DEXI: variants seen among roughly 807,000 people sequenced by gnomAD.
DEXI encodes dexamethasone-induced protein.
Under a neutral mutation model 2.5 loss-of-function variants are expected in DEXI, and 2 were observed. The ratio of observed to expected loss-of-function variants is 0.81; its 90% CI spans 0.33 to 2.55. The LOEUF (loss-of-function observed/expected upper bound fraction) is 2.55, where lower values mean the gene tolerates loss of function less well. DEXI is among the 30% of genes most tolerant of loss of function. DEXI has a pLI of 0.11. For synonymous variants in DEXI, 71 were observed against 68.7 expected, an observed-to-expected ratio of 1.03 and a Z score of -0.17; for missense variants, 108 against 130.3, an observed-to-expected ratio of 0.83 and a Z score of 0.83.
At chr16:10,930,264 G>A (rs994645206) in intron 1 of DEXI, 6 of 152,170 alleles carry the variant, frequency 3.9e-5, no homozygotes, top group African/African-American at 1.4e-4. Context: ...TGAACATCTC[G>A]CAGAACTTGT....
chr16:10,929,263 G>A lies in DEXI; in HGVS notation c.*446C>T. 1 of 985,956 alleles carries A rather than the reference G, an allele frequency of 1.0e-6. No homozygotes were observed. The highest frequency in any genetic ancestry group is 1.2e-6 in the Non-Finnish European group (1 of 829,980). The allele number at this position is 985,956 out of a possible 1,614,324, so 61.1% of individuals were successfully genotyped here. ...CTTTTGCGTGTGTCCGCAGTTTGAA[G>A]TGTCCTCTCCGAAGGTGAAGTGGGG... On this transcript the variant is annotated 3_prime_UTR_variant, in exon 2 of 2. Coordinates refer to ENST00000331808, the MANE Select transcript of DEXI (RefSeq NM_014015.4). The surrounding 1 kb of genome is among the most constrained non-coding windows in gnomAD (Gnocchi z 4.3).
Position 10,934,696 on chromosome 16 carries a change from G to C in DEXI, c.*150-5137C>G, listed in dbSNP as rs1306017739. 6.6e-6 allele frequency: 1 copy of C among 152,218 alleles called. No homozygotes were observed. The highest frequency in any genetic ancestry group is 1.5e-5 in the Non-Finnish European group (1 of 68,048). 9.4% of individuals were successfully genotyped at this position (152,218 alleles called of 1,614,324 possible). A position where few individuals can be genotyped will look rare whatever the true frequency, so the allele number is the denominator to read the frequency against. On this transcript the variant is annotated intron_variant, in intron 1 of 1. Transcript: ENST00000331808. The surrounding 1 kb of genome is among the most constrained non-coding windows in gnomAD (Gnocchi z 4.2). ...AGGGTGATGCTTGGGGCAGGTGATG[G>C]AGATGTGGGAGAGGCAGTTATTTTT...
rs1283430917 is a variant in DEXI at position 10,940,712 on chromosome 16, A to G, written c.*149+857T>C. ...ATGACCAAGTCTTACTCCTTCCTGG[A>G]CCTTCATTTCCCTACCTCTCACATA... On this transcript the variant is annotated intron_variant, in intron 1 of 1. Transcript: ENST00000331808. This position sits in a 1 kb window ranked among gnomAD's most constrained non-coding sequence, Gnocchi z 4.2. 3 of 152,220 alleles carry G rather than the reference A, an allele frequency of 2.0e-5. No individual in the cohort carries two copies. Among genetic ancestry groups the G allele is most frequent in the African/African-American group, 4.8e-5 (2 of 41,356 alleles). The allele number at this position is 152,220 out of a possible 1,614,324, so 9.4% of individuals were successfully genotyped here.
At position 10,941,763 on chromosome 16, in the gene DEXI, G is replaced by C. The variant is rs762030120; in HGVS notation, c.243C>G (p.Tyr81Ter). The change falls in exon 1 of 2, where the codon TAC becomes TAG. Residue 81 changes from tyrosine (Y) to a stop codon, truncating the protein, a stop_gained. Coordinates refer to ENST00000331808, the MANE Select transcript of DEXI (RefSeq NM_014015.4). LOFTEE classifies it low-confidence loss of function (END_TRUNC). This position sits in a 1 kb window ranked among gnomAD's most constrained non-coding sequence, Gnocchi z 6.4. Reference protein sequence around the residue: ...GVLSDPGSGLYDADSELDVFD... With the variant: ...GVLSDPGSGL The stretch of plus-strand genomic sequence containing the variant: ...AGACGTCGAGCTCCGAGTCAGCATC[G>C]TAAAGGCCCGAGCCGGGGTCGGAGA... The C allele has an allele frequency of 1.9e-6, 3 of 1,613,238 alleles. No individual in the cohort carries two copies. Among genetic ancestry groups the C allele is most frequent in the Non-Finnish European group, 2.5e-6 (3 of 1,179,606 alleles).
At position 10,942,392 on chromosome 16, in the gene DEXI, T is replaced by C; in HGVS notation, c.-387A>G. On this transcript the variant is annotated 5_prime_UTR_variant, in exon 1 of 2. Coordinates refer to ENST00000331808, the MANE Select transcript of DEXI (RefSeq NM_014015.4). The surrounding 1 kb of genome is among the most constrained non-coding windows in gnomAD (Gnocchi z 5.0). ...CTTCTCTCCCGCCCCGCCCCGCAGG[T>C]CCTCGCGCACCCCCCGCGCCCCCGC... 6.0e-6 allele frequency: 1 copy of C among 166,576 alleles called. No individual in the cohort carries two copies. The highest frequency in any genetic ancestry group is 1.4e-4 in the South Asian group (1 of 7,280). The allele number at this position is 166,576 out of a possible 1,614,324, so 10.3% of individuals were successfully genotyped here. A position where few individuals can be genotyped will look rare whatever the true frequency, so the allele number is the denominator to read the frequency against.
intron 1 of DEXI, chr16:10,936,294 A>G (rs2041019236): frequency 6.6e-6 from 1 of 152,172 alleles, no homozygotes; most frequent in Non-Finnish European, 1.5e-5. Flanking sequence ...AGGATTGTAT[A>G]GTGTATCAAT....
chr16:10,939,732 C>A lies in DEXI; in HGVS notation c.*149+1837G>T, dbSNP rs1316052372. On this transcript the variant is annotated intron_variant, in intron 1 of 1. Transcript: ENST00000331808. The surrounding 1 kb of genome is among the most constrained non-coding windows in gnomAD (Gnocchi z 4.9). Reference sequence around the variant, plus strand: ...CCTACAGAGACCGTCTACTAGAGGCCAGGCACAGTTTTAAGTGTTGAGGAC... The same window carrying A: ...CCTACAGAGACCGTCTACTAGAGGCAAGGCACAGTTTTAAGTGTTGAGGAC... 6.6e-6 allele frequency: 1 copy of A among 152,256 alleles called. No homozygotes were observed. Among genetic ancestry groups the A allele is most frequent in the African/African-American group, 2.4e-5 (1 of 41,466 alleles). 9.4% of individuals were successfully genotyped at this position (152,256 alleles called of 1,614,324 possible).
intron 1 of DEXI, chr16:10,936,597 CAG>C (rs2041028291): frequency 6.6e-6 from 1 of 152,216 alleles, no homozygotes; most frequent in Admixed American, 6.5e-5. Flanking sequence ...TACTTCATAA[CAG>C]AGGTTTTTGT....
Position 10,941,861 on chromosome 16 carries a change from A to T in DEXI, c.145T>A (p.Tyr49Asn). The change falls in exon 1 of 2, where the codon TAC becomes AAC. Residue 49 changes from tyrosine to asparagine, a missense_variant. Transcript: ENST00000331808. This position sits in a 1 kb window ranked among gnomAD's most constrained non-coding sequence, Gnocchi z 6.4. ...ACGAGGCCCACGTTGAGGACGATGT[A>T]CTCCATGAGGAAGGCGTAGTACAGG... ...LILYYAFLME[Y>N]IVLNVGLVFL... 1.2e-6 allele frequency: 2 copies of T among 1,612,522 alleles called. No homozygotes were observed. Among genetic ancestry groups the T allele is most frequent in the Non-Finnish European group, 1.7e-6 (2 of 1,179,760 alleles).
intron 1 of DEXI, chr16:10,935,205 G>A (rs919677329): frequency 1.3e-5 from 2 of 152,228 alleles, no homozygotes; most frequent in Non-Finnish European, 2.9e-5. Context: ...AAGCATGTAA[G>A]TAACAATTTT....
At chr16:10,932,285 G>T (rs1428416507) in intron 1 of DEXI, 3 of 152,230 alleles carry the variant, frequency 2.0e-5, no homozygotes, top group African/African-American at 7.2e-5. Context: ...GACAACACTT[G>T]TGTTATGAAG....
chr16:10,941,805 G>A lies in DEXI; in HGVS notation c.201C>T (p.Leu67=), dbSNP rs1356603963. The change falls in exon 1 of 2, where the codon CTC becomes CTT. Residue 67 remains leucine, a synonymous_variant. Transcript: ENST00000331808. The surrounding 1 kb of genome is among the most constrained non-coding windows in gnomAD (Gnocchi z 6.4). The part of the protein sequence containing the change: ...VFLPEDMDQA[L]VDLGVLSDPG... ...GGTCGGAGAGCACGCCGAGGTCCAC[G>A]AGCGCCTGGTCCATGTCCTCGGGCA... 2.5e-6 allele frequency: 4 copies of A among 1,613,616 alleles called. No individual in the cohort carries two copies. The highest frequency in any genetic ancestry group is 2.5e-6 in the Non-Finnish European group (3 of 1,179,856).
chr16:10,935,424 G>C (rs1236323698), intron 1 of DEXI: 1 of 152,160 alleles, frequency 6.6e-6, no homozygotes, highest in African/African-American at 2.4e-5. Flanking sequence ...GCTGGCTTTG[G>C]TATTTGGCCA....
chr16:10,940,275 G>A lies in DEXI; in HGVS notation c.*149+1294C>T, dbSNP rs1289681887. 6.6e-6 allele frequency: 1 copy of A among 152,268 alleles called. No homozygotes were observed. Among genetic ancestry groups the A allele is most frequent in the Non-Finnish European group, 1.5e-5 (1 of 68,058 alleles). The allele number at this position is 152,268 out of a possible 1,614,324, so 9.4% of individuals were successfully genotyped here. On this transcript the variant is annotated intron_variant, in intron 1 of 1. Coordinates refer to ENST00000331808, the MANE Select transcript of DEXI (RefSeq NM_014015.4). The surrounding 1 kb of genome is among the most constrained non-coding windows in gnomAD (Gnocchi z 4.2). ...GGGAGGTGATTAGGTCACGAAGGCA[G>A]AGCCTTCATGGGTGGGATTAATGCC...
intron 1 of DEXI, chr16:10,936,561 T>C (rs1027456096): frequency 2.6e-5 from 4 of 152,248 alleles, no homozygotes; most frequent in African/African-American, 7.2e-5. Flanking sequence ...GTTTGTGCTC[T>C]TGCAACTTTT....
In DEXI at chr16:10,940,108, G is replaced by A. The variant is rs1034691392; in HGVS notation, c.*149+1461C>T. ...ATCTCACTGTGAACCCATTAGGAGA[G>A]CCCTCTGCCGCCAGCTATGCTGTCA... On this transcript the variant is annotated intron_variant, in intron 1 of 1. Transcript: ENST00000331808. This position sits in a 1 kb window ranked among gnomAD's most constrained non-coding sequence, Gnocchi z 4.2. 6.6e-6 allele frequency: 1 copy of A among 152,220 alleles called. No individual in the cohort carries two copies. Among genetic ancestry groups the A allele is most frequent in the Admixed American group, 6.5e-5 (1 of 15,280 alleles). The allele number at this position is 152,220 out of a possible 1,614,324, so 9.4% of individuals were successfully genotyped here. A position where few individuals can be genotyped will look rare whatever the true frequency, so the allele number is the denominator to read the frequency against.
Position 10,941,382 on chromosome 16 carries a change from G to A in DEXI, c.*149+187C>T. The A allele has an allele frequency of 3.0e-6, 1 of 336,040 alleles. No homozygotes were observed. The highest frequency in any genetic ancestry group is 4.7e-6 in the Non-Finnish European group (1 of 213,772). 20.8% of individuals were successfully genotyped at this position (336,040 alleles called of 1,614,324 possible). On this transcript the variant is annotated intron_variant, in intron 1 of 1. Transcript: ENST00000331808. The surrounding 1 kb of genome is among the most constrained non-coding windows in gnomAD (Gnocchi z 6.4). ...CTTTTCACCAGCTGTCCCCTTTGCTGGAGGAAGCTTTCCAGCCCAAACGAA... is the reference window on the plus strand; with the variant it reads ...CTTTTCACCAGCTGTCCCCTTTGCTAGAGGAAGCTTTCCAGCCCAAACGAA...
chr16:10,942,245 G>A lies in DEXI; in HGVS notation c.-240C>T, dbSNP rs1461060041. 8.2e-6 allele frequency: 3 copies of A among 366,704 alleles called. No homozygotes were observed. The highest frequency in any genetic ancestry group is 5.1e-5 in the East Asian group (1 of 19,458). 22.7% of individuals were successfully genotyped at this position (366,704 alleles called of 1,614,324 possible). ...CTCGACCGCCCGGGCGGCGAGGCGGGCCCCCCTGAAGTGGCCCGCGGCTGC... is the reference window on the plus strand; with the variant it reads ...CTCGACCGCCCGGGCGGCGAGGCGGACCCCCCTGAAGTGGCCCGCGGCTGC... On this transcript the variant is annotated 5_prime_UTR_variant, in exon 1 of 2. Coordinates refer to ENST00000331808, the MANE Select transcript of DEXI (RefSeq NM_014015.4). This position sits in a 1 kb window ranked among gnomAD's most constrained non-coding sequence, Gnocchi z 5.0.
chr16:10,941,911 C>A lies in DEXI; in HGVS notation c.95G>T (p.Gly32Val). 1 of 1,607,218 alleles carries A rather than the reference C, an allele frequency of 6.2e-7. No homozygotes were observed. The highest frequency in any genetic ancestry group is 2.2e-5 in the East Asian group (1 of 44,752). The stretch of plus-strand genomic sequence containing the variant: ...GATCAGCACATTGACGAAGAACAGG[C>A]CCACGTAGAACATAGAGGGCAGCAG... Reference protein sequence around the residue: ...PPLLPSMFYVGLFFVNVLILY... With the variant: ...PPLLPSMFYVVLFFVNVLILY... Residue 32 changes from glycine to valine, a missense_variant, in exon 1 of 2, where the codon GGC becomes GTC. By Grantham distance (109) the Gly-to-Val change is moderately radical. Transcript: ENST00000331808. The surrounding 1 kb of genome is among the most constrained non-coding windows in gnomAD (Gnocchi z 6.4).
Sources: gnomAD v4.1 joint callset for allele counts on GRCh38, gnomAD v4.1.1 for gene constraint, Gnocchi (gnomAD v3.1) non-coding constraint, MANE v1.5 for transcripts, NCBI Gene and HGNC (gene_info 2026-07-23, HGNC 2026-07-21) for gene names.